Variants in MCF2L observed in about 807,000 individuals in gnomAD.
The protein encoded by MCF2L is guanine nucleotide exchange factor DBS.
Under a neutral mutation model 153.4 loss-of-function variants are expected in MCF2L, and 97 were observed. The ratio of observed to expected loss-of-function variants is 0.63; its 90% CI spans 0.54 to 0.75. The LOEUF (loss-of-function observed/expected upper bound fraction) is 0.75. Among genes scored for constraint, MCF2L ranks in the 30% least tolerant of loss-of-function variants. The probability of loss-of-function intolerance (pLI) is 0.00; values close to 1 mark genes in which losing one functional copy is unlikely to be tolerated. For synonymous variants in MCF2L, 659 were observed against 632.2 expected (o/e 1.04, Z -0.64); for missense variants, 1,347 against 1,495.2 (o/e 0.90, Z 1.64).
chr13:113,094,238 G>A (rs11841838), intron 26 of MCF2L: 44,138 of 241,354 alleles, frequency 0.18, 4,587 homozygotes, highest in Middle Eastern at 0.34. Flanking sequence ...GCCTGACAAG[G>A]GCGTGGCTTC....
intron 1 of MCF2L, among the ~76,000 whole-genome samples, chr13:112,987,249 C>A (rs1435001957): frequency 6.6e-6 from 1 of 151,582 alleles, no homozygotes; most frequent in East Asian, 1.9e-4. Context: ...CCTGCCCCTT[C>A]CAGCGCTTTC....
chr13:113,037,048 A>G (rs1048848008), intron 3 of MCF2L, among the ~76,000 whole-genome samples: 7 of 152,216 alleles, frequency 4.6e-5, no homozygotes, highest in Non-Finnish European at 1.0e-4. Flanking sequence ...CGTGCGGTCC[A>G]GCGGCCCTCC....
chr13:113,010,113 A>T (rs547177289), intron 1 of MCF2L: 1 of 30,366 alleles, frequency 3.3e-5, no homozygotes, highest in Admixed American at 3.8e-4. Context: ...TCCACCCCCC[A>T]TACCCCCCCC....
intron 2 of MCF2L, among the ~76,000 whole-genome samples, chr13:112,927,746 C>T (rs565265237): frequency 2.6e-5 from 4 of 152,014 alleles, no homozygotes; most frequent in African/African-American, 9.7e-5. Flanking sequence ...TAGGAAATAC[C>T]GGGGACAGAG....
intron 1 of MCF2L, among the ~76,000 whole-genome samples, chr13:113,007,740 G>A (rs2141116165): frequency 6.6e-6 from 1 of 152,230 alleles, no homozygotes; most frequent in South Asian, 2.1e-4. Context: ...TGACCCACTG[G>A]CCACTTCAGG....
intron 4 of MCF2L, among the ~76,000 whole-genome samples, chr13:113,056,292 CTGAG>C (rs1345215569): frequency 2.6e-5 from 4 of 151,584 alleles, no homozygotes; most frequent in Non-Finnish European, 5.9e-5. Flanking sequence ...TGTTTGGGTG[CTGAG>C]TGTTTGGGTG....
Position 112,909,478 on chromosome 13 carries a change from A to G in MCF2L, c.169+7107A>G, listed in dbSNP as rs2081208371. ...GTGCAAACGTCTTCGTCAGGAGCGC[A>G]CTTGGGAAGTCCTACACTAGCGCAG... On this transcript the variant is annotated intron_variant, in intron 2 of 29. Transcript: ENST00000375608. The G allele has an allele frequency of 1.0e-5, 6 of 587,358 alleles. 1 individual carries two copies. The South Asian group carries it at 1.3e-4, about 13-fold the overall frequency. The allele number at this position is 587,358 out of a possible 1,614,324, so 36.4% of individuals were successfully genotyped here. A position where few individuals can be genotyped will look rare whatever the true frequency, so the allele number is the denominator to read the frequency against.
intron 1 of MCF2L, chr13:112,985,602 T>C: frequency 2.7e-6 from 1 of 364,550 alleles, no homozygotes. Context: ...CAGGGCAGTC[T>C]GTGTCCCCTG....
At chr13:113,044,664 C>T (rs768531596) in intron 3 of MCF2L, 30 of 1,611,922 alleles carry the variant, frequency 1.9e-5, no homozygotes, top group Non-Finnish European at 2.5e-5. Context: ...CTTCTACTAC[C>T]AGGCTCATCC....
intron 4 of MCF2L, chr13:113,052,357 T>A (rs1207793512): frequency 6.6e-6 from 1 of 152,476 alleles, no homozygotes; most frequent in Non-Finnish European, 1.5e-5. Flanking sequence ...CCGTGGACCC[T>A]GCAGGCCACG....
chr13:113,018,568 T>C (rs1371453683), intron 2 of MCF2L, among the ~76,000 whole-genome samples: 1 of 152,154 alleles, frequency 6.6e-6, no homozygotes. Flanking sequence ...CAATGGCGCG[T>C]CCCCTGGCAT....
intron 25 of MCF2L, 131 bp from the exon 26 acceptor site, chr13:113,089,479 C>T (rs548892733): frequency 1.3e-5 from 9 of 666,896 alleles, no homozygotes; most frequent in South Asian, 3.7e-5. Context: ...CTTAGAAACA[C>T]GTGCAGGAGA....
chr13:113,016,371 A>G (rs2084515204), intron 2 of MCF2L, among the ~76,000 whole-genome samples: 1 of 152,152 alleles, frequency 6.6e-6, no homozygotes, highest in Admixed American at 6.5e-5. Context: ...GGCAGCCGCC[A>G]GGAACCCGGG....
rs146025205 is a variant in MCF2L, at chr13:112,914,894, T to A, written c.169+12523T>A. Among the ~76,000 whole-genome samples the A allele has an allele frequency of 3.7e-3, 569 of 152,292 alleles. 1 individual carries two copies. Among genetic ancestry groups the A allele is most frequent in the African/African-American group, 0.013 (549 of 41,542 alleles). ...TCCTTTTTTTTTTTCTTTTGCCACT[T>A]AAAATATGTAGTTGAATCTCAGTAT... is the stretch of plus-strand genomic sequence containing the variant. On this transcript the variant is annotated intron_variant, in intron 2 of 29. Coordinates refer to the MCF2L transcript ENST00000375608.
chr13:113,061,944 A>C (rs1594890698), intron 5 of MCF2L, among the ~76,000 whole-genome samples: 2 of 109,174 alleles, frequency 1.8e-5, no homozygotes, highest in African/African-American at 7.3e-5. Flanking sequence ...GGCCCCATCC[A>C]CTCTGCCCAC....
At chr13:113,026,418 C>A (rs2085310108) in intron 3 of MCF2L, among the ~76,000 whole-genome samples, 1 of 152,212 alleles carries the variant, frequency 6.6e-6, no homozygotes, top group Non-Finnish European at 1.5e-5. Flanking sequence ...CAGATCTGAT[C>A]TGGGGTCCGA....
chr13:112,966,571 A>C (rs957495727), upstream of MCF2L, among the ~76,000 whole-genome samples: 8 of 152,322 alleles, frequency 5.3e-5, no homozygotes, highest in East Asian at 1.5e-3. This position sits in a 1 kb window ranked among gnomAD's most constrained non-coding sequence, Gnocchi z 4.1. Flanking sequence ...CCAAGTTGAC[A>C]AGTAATAAAG....
At chr13:113,037,100 G>T (rs964536677) in intron 3 of MCF2L, among the ~76,000 whole-genome samples, 80 of 152,316 alleles carry the variant, frequency 5.3e-4, no homozygotes, top group African/African-American at 1.9e-3. Flanking sequence ...AGGTGCAAGC[G>T]TGTCATCCTA....
chr13:113,051,737 G>A (rs547312723), intron 4 of MCF2L, among the ~76,000 whole-genome samples: 1 of 152,316 alleles, frequency 6.6e-6, no homozygotes, highest in African/African-American at 2.4e-5. Flanking sequence ...CCTTACAGTT[G>A]AGGAGCCTCA....
Sources: gnomAD v4.1 joint callset for allele counts (sites outside exome capture counted in the v4.1 genomes callset) on GRCh38, gnomAD v4.1.1 for gene constraint, Gnocchi (gnomAD v3.1) non-coding constraint, MANE v1.5 for transcripts, NCBI Gene and HGNC (gene_info 2026-07-23, HGNC 2026-07-21) for gene names.